Variants in PAK1IP1 observed in about 807,000 individuals in gnomAD.
PAK1IP1 encodes PAK1 interacting protein 1, also known as p21-activated protein kinase-interacting protein 1.
Under a neutral mutation model 42.0 loss-of-function variants are expected in PAK1IP1, and 24 were observed. The observed-to-expected ratio is 0.57, with a 90% CI of 0.41 to 0.80. The LOEUF is 0.80. PAK1IP1 is among the 30% of genes least tolerant of loss of function. The pLI is 0.00. For missense variants in PAK1IP1, 411 were observed against 467.9 expected (o/e 0.88, Z 1.12); for synonymous variants, 154 against 156.7 (o/e 0.98, Z 0.13).
chr6:10,702,193 T>TA (rs773595600), intron 2 of PAK1IP1, among the ~76,000 whole-genome samples, 176 bp from the exon 3 acceptor site: 21 of 149,308 alleles, frequency 1.4e-4, no homozygotes, highest in Non-Finnish European at 3.1e-4. Flanking sequence ...TGGGATAAGA[T>TA]CATGCCATAG....
upstream of PAK1IP1, chr6:10,694,903 GTTTTT>G (rs878881986): frequency 8.6e-4 from 535 of 620,828 alleles, no homozygotes; most frequent in Middle Eastern, 9.2e-4. Context: ...GGAGTCAGGT[GTTTTT>G]TTTTTTTTTT....
chr6:10,691,442 G>T (rs567819476), upstream of PAK1IP1, among the ~76,000 whole-genome samples: 12 of 152,132 alleles, frequency 7.9e-5, no homozygotes, highest in East Asian at 2.3e-3. Context: ...TAATTAGAAC[G>T]GAACAGAACA....
chr6:10,695,874 C>T (rs988955420), intron 1 of PAK1IP1, among the ~76,000 whole-genome samples: 1 of 150,514 alleles, frequency 6.6e-6, no homozygotes, highest in Non-Finnish European at 1.5e-5. Flanking sequence ...CTATTGCTTT[C>T]GTTTATTTTG....
At chr6:10,691,479 T>C (rs559680125), upstream of PAK1IP1, among the ~76,000 whole-genome samples, 167 of 152,274 alleles carry the variant, frequency 1.1e-3, no homozygotes, top group Middle Eastern at 6.8e-3. Flanking sequence ...AGTGCTTTTC[T>C]ATACAATGTC....
chr6:10,704,615 C>T lies in PAK1IP1; in HGVS notation c.605C>T (p.Thr202Ile). ...LDTASISGTI[T>I]NEKRISSVKF... Reference sequence around the variant, plus strand: ...ACTGCATCCATTAGTGGCACCATCACAAATGAAAAGAGAATTTCCTCTGTT... The same window carrying T: ...ACTGCATCCATTAGTGGCACCATCATAAATGAAAAGAGAATTTCCTCTGTT... The change falls in exon 6 of 10, where the codon ACA (threonine) becomes ATA (isoleucine). Residue 202 changes from threonine (T) to isoleucine (I), a missense_variant. Coordinates refer to ENST00000379568, the MANE Select transcript of PAK1IP1 (RefSeq NM_017906.3). 1 of 1,611,042 alleles carries T rather than the reference C, an allele frequency of 6.2e-7. No individual in the cohort carries two copies. Among genetic ancestry groups the T allele is most frequent in the African/African-American group, 1.3e-5 (1 of 74,990 alleles).
chr6:10,698,299 G>T (rs1769921161), intron 2 of PAK1IP1, among the ~76,000 whole-genome samples: 1 of 152,186 alleles, frequency 6.6e-6, no homozygotes, highest in South Asian at 2.1e-4. Flanking sequence ...TAGTTTCAAA[G>T]ATGTAGCGTC....
intron 2 of PAK1IP1, among the ~76,000 whole-genome samples, chr6:10,699,253 G>T (rs73436192): frequency 0.033 from 5,001 of 151,486 alleles, 266 homozygotes; most frequent in African/African-American, 0.11. Flanking sequence ...TGTTGTCAAG[G>T]GCCTGGAGAT....
At chr6:10,707,564 T>C in intron 8 of PAK1IP1, 50 bp downstream of exon 8, 1 of 1,147,872 alleles carries the variant, frequency 8.7e-7, no homozygotes. Flanking sequence ...GTCTTGCTCA[T>C]AAGTGAGGTG....
At chr6:10,705,558 G>A (rs974529448) in intron 7 of PAK1IP1, among the ~76,000 whole-genome samples, 1 of 150,816 alleles carries the variant, frequency 6.6e-6, no homozygotes, top group Admixed American at 6.6e-5. Context: ...GTGAATTGAC[G>A]TTATTGAGTT....
At chr6:10,692,359 A>C (rs1769395759), upstream of PAK1IP1, among the ~76,000 whole-genome samples, 1 of 152,110 alleles carries the variant, frequency 6.6e-6, no homozygotes, top group African/African-American at 2.4e-5. Flanking sequence ...GGAAACTTAC[A>C]CATTACAAAA....
At chr6:10,700,242 A>G (rs999791968) in intron 2 of PAK1IP1, among the ~76,000 whole-genome samples, 2 of 151,974 alleles carry the variant, frequency 1.3e-5, no homozygotes, top group African/African-American at 4.8e-5. Context: ...TATTTTTAGT[A>G]GAGACGGGTC....
chr6:10,706,797 C>T (rs998605846), intron 7 of PAK1IP1, among the ~76,000 whole-genome samples: 6 of 151,546 alleles, frequency 4.0e-5, no homozygotes, highest in African/African-American at 1.5e-4. Context: ...GCAGGAGAAT[C>T]GTTTGAACCC....
intron 7 of PAK1IP1, among the ~76,000 whole-genome samples, chr6:10,705,273 G>A (rs533161448): frequency 1.6e-4 from 24 of 152,104 alleles, no homozygotes; most frequent in Admixed American, 9.2e-4. Context: ...AGCCAAGATC[G>A]CACCACTGCA....
At chr6:10,694,370 GC>G (rs1162917581), upstream of PAK1IP1, 1 of 153,204 alleles carries the variant, frequency 6.5e-6, no homozygotes, top group Non-Finnish European at 1.5e-5. Flanking sequence ...AGTGTGCAGG[GC>G]TGGGGTTCTG....
chr6:10,709,603 T>A lies in PAK1IP1; in HGVS notation c.*151T>A, dbSNP rs397843850. The A allele has an allele frequency of 0.04, 11,350 of 283,906 alleles. 204 individuals are homozygous for A. The highest frequency in any genetic ancestry group is 0.051 in the African/African-American group (2,106 of 41,252). The allele number at this position is 283,906 out of a possible 1,614,324, so 17.6% of individuals were successfully genotyped here. ...AAAACCACTTTTAGATGGTTTTTTT[T>A]AAAAAAAAAAAAAAAACTGGTAAAA... On this transcript the variant is annotated 3_prime_UTR_variant, in exon 10 of 10. Coordinates refer to ENST00000379568, the MANE Select transcript of PAK1IP1 (RefSeq NM_017906.3).
chr6:10,693,847 G>C (rs1047407309), upstream of PAK1IP1, among the ~76,000 whole-genome samples: 1 of 152,158 alleles, frequency 6.6e-6, no homozygotes, highest in Non-Finnish European at 1.5e-5. Flanking sequence ...TCCCACCTCA[G>C]CCTTCCGAGT....
chr6:10,704,469 T>C (rs1012065408), intron 5 of PAK1IP1, 38 bp from the exon 6 acceptor site: 12 of 1,305,764 alleles, frequency 9.2e-6, no homozygotes, highest in Non-Finnish European at 1.2e-5. Context: ...TATGTTTTAT[T>C]TACAAAATAA....
In PAK1IP1 at chr6:10,697,433, A is replaced by G; in HGVS notation, c.194A>G (p.His65Arg). ...VVTGSKDETI[H>R]IYDMKKKIEH... ...ACTGGGAGCAAAGATGAAACAATTC[A>G]CATTTATGACATGAAAAAGAAGATT... The change falls in exon 2 of 10, where the codon CAC (histidine) becomes CGC (arginine). Residue 65 changes from histidine to arginine, a missense_variant. By Grantham distance (29) the His-to-Arg change is conservative (BLOSUM62 0). Transcript: ENST00000379568. 1 of 1,614,108 alleles carries G rather than the reference A, an allele frequency of 6.2e-7. No homozygotes were observed. The highest frequency in any genetic ancestry group is 8.5e-7 in the Non-Finnish European group (1 of 1,179,934).
upstream of PAK1IP1, chr6:10,694,912 T>TTG: frequency 1.1e-6 from 1 of 911,500 alleles, no homozygotes; most frequent in African/African-American, 1.7e-5. Context: ...TGTTTTTTTT[T>TTG]TTTTTTTTTT....
Sources: allele counts gnomAD v4.1 joint callset (sites outside exome capture counted in the v4.1 genomes callset), GRCh38; gene constraint gnomAD v4.1.1; transcripts MANE v1.5; gene names NCBI Gene and HGNC (gene_info 2026-07-23, HGNC 2026-07-21).